The following FARP1 variants were observed in gnomAD, a reference collection of about 807,000 sequenced individuals.
FARP1 encodes the protein FERM, ARH/RhoGEF and pleckstrin domain protein 1, also known as FERM, ARHGEF and pleckstrin domain-containing protein 1.
In FARP1, 52 loss-of-function variants were observed where a neutral mutation model predicts 128.8. The observed-to-expected ratio is 0.40, with a 90% CI of 0.32 to 0.51. The LOEUF (loss-of-function observed/expected upper bound fraction) is 0.51. Ranked by LOEUF, FARP1 falls within the 20% of genes least tolerant of loss-of-function variation. FARP1 has a pLI of 0.45. For synonymous variants in FARP1, 580 were observed against 551.8 expected, an observed-to-expected ratio of 1.05 and a Z score of -0.72; for missense variants, 1,333 against 1,367.9, an observed-to-expected ratio of 0.97 and a Z score of 0.40.
Position 98,440,818 on chromosome 13 carries a change from C to A in FARP1, c.2778C>A (p.Asp926Glu). Residue 926 changes from aspartate to glutamate, a missense_variant, in exon 24 of 27, where the codon GAC (aspartate) becomes GAA (glutamate). Around this residue, in one of 2 missense-constraint regions of FARP1, gnomAD observed 1,009 missense variants for 969.8 expected, o/e 1.04. Coordinates refer to ENST00000319562, the MANE Select transcript of FARP1 (RefSeq NM_005766.4). ...WHRNTSVSMV[D>E]FSIAVENQLS... ...GCAACACCAGCGTCTCCATGGTGGA[C>A]TTCAGCATCGCAGTGGAGGTACGCA... 1.2e-6 allele frequency: 2 copies of A among 1,609,782 alleles called. No individual in the cohort carries two copies. The highest frequency in any genetic ancestry group is 1.7e-6 in the Non-Finnish European group (2 of 1,178,730).
At chr13:98,407,130 C>T (rs1419511415) in intron 13 of FARP1, 2 of 152,618 alleles carry the variant, frequency 1.3e-5, no homozygotes, top group African/African-American at 4.8e-5. Flanking sequence ...TCAAGGTGTC[C>T]AGCATGCTCT....
intron 3 of FARP1, among the ~76,000 whole-genome samples, chr13:98,351,568 C>T (rs1446743038): frequency 2.7e-5 from 4 of 148,814 alleles, no homozygotes; most frequent in Admixed American, 6.7e-5. Flanking sequence ...GCTGAGATCA[C>T]GCCACTGCTC....
intron 1 of FARP1, among the ~76,000 whole-genome samples, chr13:98,172,318 GA>G (rs772562716): frequency 6.6e-6 from 1 of 151,930 alleles, no homozygotes; most frequent in Non-Finnish European, 1.5e-5. Context: ...GCAAGGCTCT[GA>G]AAATAGGGCG....
chr13:98,395,278 G>C lies in FARP1; in HGVS notation c.1216G>C (p.Gly406Arg), dbSNP rs1414442201. 6.2e-7 allele frequency: 1 copy of C among 1,608,950 alleles called. No homozygotes were observed. Among genetic ancestry groups the C allele is most frequent in the Non-Finnish European group, 8.5e-7 (1 of 1,176,162 alleles). Residue 406 changes from glycine to arginine, a missense_variant, in exon 13 of 27, where the codon GGC (glycine) becomes CGC (arginine). Gly to Arg is a moderately radical substitution (Grantham distance 125, BLOSUM62 -2). This residue lies in a region of FARP1 where 1,009 missense variants were observed against 969.8 expected (regional missense o/e 1.04). Coordinates refer to ENST00000319562, the MANE Select transcript of FARP1 (RefSeq NM_005766.4). ...TFGEGAESPG[G>R]QSCRRGKEPK... ...TGGAGAAGGTGCCGAATCTCCAGGG[G>C]GCCAGAGCTGCCGGCGAGGAAAGGA...
At chr13:98,356,272 G>T (rs1197375802) in intron 3 of FARP1, among the ~76,000 whole-genome samples, 1 of 152,216 alleles carries the variant, frequency 6.6e-6, no homozygotes, top group Non-Finnish European at 1.5e-5. Context: ...CAATTTCATT[G>T]TGCGGACATC....
In FARP1 at chr13:98,176,154, G is replaced by T; in HGVS notation, c.-24+32662G>T. The T allele has an allele frequency of 1.2e-6, 2 of 1,606,576 alleles. No individual in the cohort carries two copies. The highest frequency in any genetic ancestry group is 1.1e-5 in the South Asian group (1 of 90,600). On this transcript the variant is annotated intron_variant, in intron 1 of 26. Coordinates refer to ENST00000319562, the MANE Select transcript of FARP1 (RefSeq NM_005766.4). This position sits in a 1 kb window ranked among gnomAD's most constrained non-coding sequence, Gnocchi z 6.2. ...TTCTCCCCAGTGTACATACAGACTT[G>T]AGTCTTTCTTATCTCTTTTTTCCTA... is the stretch of plus-strand genomic sequence containing the variant.
At chr13:98,204,370 A>G (rs1880137969) in intron 1 of FARP1, among the ~76,000 whole-genome samples, 1 of 152,128 alleles carries the variant, frequency 6.6e-6, no homozygotes, top group South Asian at 2.1e-4. Flanking sequence ...AAATCTTCCT[A>G]TTATCAGTTT....
chr13:98,426,584 C>A (rs1319735503), intron 17 of FARP1, among the ~76,000 whole-genome samples: 1 of 152,144 alleles, frequency 6.6e-6, no homozygotes, highest in Non-Finnish European at 1.5e-5. Flanking sequence ...GGATCAATTG[C>A]CACTCAAGGG....
chr13:98,446,601 A>C (rs1166399310), intron 25 of FARP1, 65 bp from the exon 26 acceptor site: 39 of 1,551,118 alleles, frequency 2.5e-5, no homozygotes, highest in Non-Finnish European at 3.5e-5. Flanking sequence ...GATGCGGGGC[A>C]GCAGCCAGGC....
intron 2 of FARP1, among the ~76,000 whole-genome samples, chr13:98,246,524 G>A (rs1043577585): frequency 3.3e-5 from 5 of 152,112 alleles, no homozygotes; most frequent in African/African-American, 1.2e-4. Flanking sequence ...TTCATTGTTA[G>A]AGTCTCAAAA....
chr13:98,253,985 A>G (rs1199876547), intron 2 of FARP1, among the ~76,000 whole-genome samples: 1 of 152,212 alleles, frequency 6.6e-6, no homozygotes, highest in East Asian at 1.9e-4. Context: ...AGTGGGGCTC[A>G]TCGCATAGTT....
intron 13 of FARP1, chr13:98,405,899 G>A (rs1267943717): frequency 6.6e-6 from 1 of 152,228 alleles, no homozygotes; most frequent in African/African-American, 2.4e-5. Context: ...CCGGGGCTGT[G>A]CCTTCAAAGC....
At chr13:98,390,706 T>G in intron 10 of FARP1, 106 bp from the exon 11 acceptor site, 1 of 854,018 alleles carries the variant, frequency 1.2e-6, no homozygotes, top group South Asian at 1.6e-5. Context: ...CCTGCATCTC[T>G]CCCAGTTAGG....
At chr13:98,196,217 A>T (rs1183062673) in intron 1 of FARP1, among the ~76,000 whole-genome samples, 8 of 152,152 alleles carry the variant, frequency 5.3e-5, no homozygotes, top group African/African-American at 1.2e-4. Flanking sequence ...TGACTGAATC[A>T]TAAAGTCGCT....
At chr13:98,206,397 A>G (rs1880269278) in intron 1 of FARP1, among the ~76,000 whole-genome samples, 2 of 152,112 alleles carry the variant, frequency 1.3e-5, no homozygotes, top group African/African-American at 4.8e-5. Context: ...GGAAGCTGTT[A>G]CTGTGAATCT....
chr13:98,144,221 T>A (rs1245647974), intron 1 of FARP1, among the ~76,000 whole-genome samples: 1 of 151,614 alleles, frequency 6.6e-6, no homozygotes, highest in Non-Finnish European at 1.5e-5. Context: ...TGTGTGTGTG[T>A]GTGTGTTTTA....
At chr13:98,153,124 T>C (rs1242919351) in intron 1 of FARP1, among the ~76,000 whole-genome samples, 2 of 151,526 alleles carry the variant, frequency 1.3e-5, no homozygotes, top group Non-Finnish European at 2.9e-5. Context: ...TTTGGTTCTC[T>C]AACATCAGGT....
At chr13:98,162,908 T>G (rs973202601) in intron 1 of FARP1, among the ~76,000 whole-genome samples, 8 of 152,166 alleles carry the variant, frequency 5.3e-5, no homozygotes, top group African/African-American at 1.7e-4. Context: ...TGGAAAGCAG[T>G]GTGGCGATTT....
chr13:98,297,472 T>C (rs1178252275), intron 2 of FARP1, among the ~76,000 whole-genome samples: 3 of 152,220 alleles, frequency 2.0e-5, no homozygotes, highest in Non-Finnish European at 4.4e-5. Flanking sequence ...GCTTTGTTCA[T>C]GCTATTTTGT....
Sources: gnomAD v4.1 joint callset for allele counts (sites outside exome capture counted in the v4.1 genomes callset) on GRCh38, gnomAD v4.1.1 for gene constraint, gnomAD v4.1.1 regional missense constraint, Gnocchi (gnomAD v3.1) non-coding constraint, MANE v1.5 for transcripts, NCBI Gene and HGNC (gene_info 2026-07-23, HGNC 2026-07-21) for gene names.